DCDC1: variants seen among roughly 807,000 people sequenced by gnomAD.
The protein encoded by DCDC1 is doublecortin domain-containing protein 1.
Under a neutral mutation model 178.3 loss-of-function variants are expected in DCDC1, and 200 were observed. That is an observed-to-expected ratio of 1.12 (90% confidence interval 1.00 to 1.26). The LOEUF (loss-of-function observed/expected upper bound fraction) is 1.26. DCDC1 is among the 50% of genes most tolerant of loss of function. The pLI is 0.00. For missense variants in DCDC1, 1,983 were observed against 1,749.2 expected, an observed-to-expected ratio of 1.13 and a Z score of -2.38; for synonymous variants, 690 against 604.8, an observed-to-expected ratio of 1.14 and a Z score of -2.07.
chr11:30,947,972 A>G (rs537679741), intron 21 of DCDC1, among the ~76,000 whole-genome samples: 6 of 152,278 alleles, frequency 3.9e-5, no homozygotes, highest in African/African-American at 1.2e-4. Context: ...CACCACTCCT[A>G]TTCAACATAG....
At chr11:30,888,098 A>AAAGAAAG (rs1943400623) in intron 36 of DCDC1, among the ~76,000 whole-genome samples, 16 of 105,426 alleles carry the variant, frequency 1.5e-4, no homozygotes, top group African/African-American at 3.0e-4. Context: ...GAAAGAAAGA[A>AAAGAAAG]AAAGAAAGAA....
intron 32 of DCDC1, among the ~76,000 whole-genome samples, chr11:30,902,109 T>A (rs955580833): frequency 8.5e-5 from 13 of 152,158 alleles, no homozygotes; most frequent in Middle Eastern, 3.2e-3. Flanking sequence ...TGCTATGGTT[T>A]GAATGTGTGC....
chr11:31,307,768 GT>G lies in DCDC1; in HGVS notation c.304del (p.Thr102GlnfsTer13). The G allele has an allele frequency of 6.2e-7, 1 of 1,614,132 alleles. No individual in the cohort carries two copies. On this transcript the variant is annotated frameshift_variant, in exon 4 of 39. Transcript: ENST00000684477. LOFTEE classifies it high-confidence loss of function. ...SGLQDCSTHQ[T>X]ASDHSHDEIS... ...TTCATCATGGCTGTGATCTGATGCTGTTTGATGTGTGGAGCAATCTTGAAGT... is the reference window on the plus strand; with the variant it reads ...TTCATCATGGCTGTGATCTGATGCTGTTGATGTGTGGAGCAATCTTGAAGT...
At chr11:31,291,192 A>T (rs1591658129) in intron 6 of DCDC1, among the ~76,000 whole-genome samples, 2 of 152,162 alleles carry the variant, frequency 1.3e-5, no homozygotes. Flanking sequence ...GAAAATATCC[A>T]GTGTCCTTTG....
intron 7 of DCDC1, among the ~76,000 whole-genome samples, chr11:31,289,672 G>A (rs1009429162): frequency 6.6e-6 from 1 of 151,988 alleles, no homozygotes. Context: ...CATATTATGA[G>A]TCTCAAAAAT....
At chr11:31,001,220 TATC>T (rs1467690541) in intron 20 of DCDC1, among the ~76,000 whole-genome samples, 4 of 152,214 alleles carry the variant, frequency 2.6e-5, no homozygotes, top group African/African-American at 4.8e-5. Context: ...AATTCATTAT[TATC>T]ATTATTTTTT....
chr11:31,279,786 G>T (rs1221667696), intron 7 of DCDC1, among the ~76,000 whole-genome samples: 1 of 152,050 alleles, frequency 6.6e-6, no homozygotes, highest in Admixed American at 6.6e-5. Flanking sequence ...ACCTAATGTA[G>T]ATGACAGTTT....
At chr11:30,869,138 A>T (rs1041379802) in intron 38 of DCDC1, among the ~76,000 whole-genome samples, 2 of 152,350 alleles carry the variant, frequency 1.3e-5, no homozygotes, top group Admixed American at 6.5e-5. Context: ...CCACTCTTTC[A>T]GGCTGTTGGA....
intron 1 of DCDC1, among the ~76,000 whole-genome samples, chr11:31,348,672 G>C (rs1950927363): frequency 6.6e-6 from 1 of 152,166 alleles, no homozygotes; most frequent in Non-Finnish European, 1.5e-5. Context: ...TATTGTCAAA[G>C]TAGATAATGA....
Position 30,931,856 on chromosome 11 carries a change from G to T in DCDC1, c.2812C>A (p.Leu938Ile). 1 of 1,613,130 alleles carries T rather than the reference G, an allele frequency of 6.2e-7. No homozygotes were observed. The highest frequency in any genetic ancestry group is 8.5e-7 in the Non-Finnish European group (1 of 1,179,422). Residue 938 changes from leucine to isoleucine, a missense_variant, in exon 22 of 39, where the codon CTC (leucine) becomes ATC (isoleucine). Physicochemically the swap from Leu to Ile is conservative, Grantham distance 5. Transcript: ENST00000684477. Reference sequence around the variant, plus strand: ...TTCTCTCCATTCTGCAAAACTCTGAGTCGCACAGGGGCATATGGCTCTGTT... The same window carrying T: ...TTCTCTCCATTCTGCAAAACTCTGATTCGCACAGGGGCATATGGCTCTGTT... ...KTTEPYAPVR[L>I]RVLQNGEKNK...
chr11:31,162,478 T>C (rs1373990839), intron 9 of DCDC1, among the ~76,000 whole-genome samples: 1 of 152,170 alleles, frequency 6.6e-6, no homozygotes, highest in Non-Finnish European at 1.5e-5. Flanking sequence ...TAACATTTCA[T>C]TGGGAAAAGA....
intron 20 of DCDC1, among the ~76,000 whole-genome samples, chr11:31,023,148 G>T (rs1201971459): frequency 1.3e-5 from 2 of 152,090 alleles, no homozygotes; most frequent in Non-Finnish European, 2.9e-5. Flanking sequence ...CTAGTCTTCA[G>T]CTTCATGTCC....
chr11:30,937,214 T>C (rs1947330487), intron 21 of DCDC1, among the ~76,000 whole-genome samples: 1 of 152,084 alleles, frequency 6.6e-6, no homozygotes, highest in African/African-American at 2.4e-5. Context: ...CTCAAATCCC[T>C]CCCCTCTTAC....
intron 1 of DCDC1, among the ~76,000 whole-genome samples, 192 bp downstream of exon 1, chr11:31,369,505 A>G (rs1346343660): frequency 6.6e-6 from 1 of 152,134 alleles, no homozygotes; most frequent in Non-Finnish European, 1.5e-5. Flanking sequence ...CCAGAGTTCA[A>G]GCACCAACCG....
chr11:31,180,817 GT>G (rs371979638), intron 9 of DCDC1, among the ~76,000 whole-genome samples: 17 of 148,946 alleles, frequency 1.1e-4, no homozygotes, highest in East Asian at 9.8e-4. Flanking sequence ...TTTTTTTGTT[GT>G]TTTTTTTTTC....
intron 9 of DCDC1, among the ~76,000 whole-genome samples, chr11:31,173,919 G>T (rs1160608389): frequency 1.3e-5 from 2 of 152,142 alleles, no homozygotes; most frequent in African/African-American, 2.4e-5. Context: ...GCCTGTCTAG[G>T]GCAGCTGCTG....
intron 6 of DCDC1, among the ~76,000 whole-genome samples, chr11:31,297,448 C>T (rs139413658): frequency 6.6e-6 from 1 of 151,954 alleles, no homozygotes; most frequent in Admixed American, 6.6e-5. Context: ...CAACCTCAAG[C>T]GATTCTCCTG....
chr11:30,901,778 T>C (rs1326760926), intron 32 of DCDC1, among the ~76,000 whole-genome samples: 1 of 152,142 alleles, frequency 6.6e-6, no homozygotes, highest in Non-Finnish European at 1.5e-5. Context: ...GTATGCCAAA[T>C]AAAGGCAGAA....
chr11:31,085,226 TTAG>T (rs1361005987), intron 17 of DCDC1, among the ~76,000 whole-genome samples: 1 of 151,892 alleles, frequency 6.6e-6, no homozygotes, highest in East Asian at 1.9e-4. Flanking sequence ...TATTGCACAA[TTAG>T]TAGGCACATA....
Sources: gnomAD v4.1 joint callset for allele counts (sites outside exome capture counted in the v4.1 genomes callset) on GRCh38, gnomAD v4.1.1 for gene constraint, MANE v1.5 for transcripts, NCBI Gene and HGNC (gene_info 2026-07-23, HGNC 2026-07-21) for gene names.